TBCE: variants seen among roughly 807,000 people sequenced by gnomAD.
TBCE encodes tubulin-specific chaperone E.
TBCE carries 53 observed loss-of-function variants against 77.0 expected under a neutral mutation model. The ratio of observed to expected loss-of-function variants is 0.69; its 90% CI spans 0.55 to 0.87. The LOEUF is 0.87. TBCE is among the 40% of genes least tolerant of loss of function. The pLI is 0.00. For synonymous variants in TBCE, 235 were observed against 241.3 expected, an observed-to-expected ratio of 0.97 and a Z score of 0.24; for missense variants, 624 against 622.4, an observed-to-expected ratio of 1.00 and a Z score of -0.03.
chr1:235,397,850 C>T (rs778082356), intron 2 of TBCE, among the ~76,000 whole-genome samples: 1 of 152,254 alleles, frequency 6.6e-6, no homozygotes, highest in South Asian at 2.1e-4. Context: ...GTGAGGTATA[C>T]CCTTATACCA....
At chr1:235,406,438 T>G (rs1462972266) in intron 3 of TBCE, among the ~76,000 whole-genome samples, 1 of 152,220 alleles carries the variant, frequency 6.6e-6, no homozygotes, top group Non-Finnish European at 1.5e-5. Context: ...GTGTAACATT[T>G]TATTTGGGAA....
chr1:235,404,978 T>C (rs2102863948), intron 3 of TBCE, among the ~76,000 whole-genome samples: 1 of 150,780 alleles, frequency 6.6e-6, no homozygotes, highest in African/African-American at 2.4e-5. Flanking sequence ...TTTTTTTTTT[T>C]TGGAGACAGA....
Position 235,380,164 on chromosome 1 carries a change from TGTG to T in TBCE, c.100+16_100+18del. On this transcript the variant is annotated intron_variant, in intron 2 of 16. Transcript: ENST00000642610. ...TCCCGTGGCAGGTAAGCAATTATTG[TGTG>T]TGTGTGTGTGTGTGTGTGTGTGTGT... 1.0e-4 allele frequency: 3 copies of T among 28,836 alleles called. No homozygotes were observed. The highest frequency in any genetic ancestry group is 1.4e-4 in the Non-Finnish European group (3 of 21,232). The allele number at this position is 28,836 out of a possible 1,614,324, so 1.8% of individuals were successfully genotyped here. A position where few individuals can be genotyped will look rare whatever the true frequency, so the allele number is the denominator to read the frequency against.
At chr1:235,413,224 G>T (rs1407619077) in intron 3 of TBCE, among the ~76,000 whole-genome samples, 1 of 152,128 alleles carries the variant, frequency 6.6e-6, no homozygotes, top group Non-Finnish European at 1.5e-5. Context: ...GCTGGACATG[G>T]TTGCTTGTAC....
chr1:235,406,854 G>A, intron 3 of TBCE, among the ~76,000 whole-genome samples: 1 of 90,788 alleles, frequency 1.1e-5, no homozygotes, highest in East Asian at 3.7e-4. Flanking sequence ...TTTTTTTTGA[G>A]ACGGAGTTTC....
rs16832610 is a variant in TBCE at position 235,430,457 on chromosome 1, G to A, written c.561-248G>A. The stretch of plus-strand genomic sequence containing the variant: ...TTAGGAAGCCTACAGCCGCATACAG[G>A]TGCCCTAATCCTGTGAAAGCATCTT... On this transcript the variant is annotated intron_variant, in intron 6 of 16. Transcript: ENST00000642610. 5.5e-4 allele frequency: 211 copies of A among 383,022 alleles called. 1 individual carries two copies. The highest frequency in any genetic ancestry group is 8.7e-4 in the Non-Finnish European group (178 of 204,018). 23.7% of individuals were successfully genotyped at this position (383,022 alleles called of 1,614,324 possible).
At chr1:235,401,418 CTGCAAATTGGTATTTGCT>C in intron 2 of TBCE, 67 bp from the exon 3 acceptor site, 1 of 1,169,864 alleles carries the variant, frequency 8.5e-7, no homozygotes, top group Admixed American at 1.7e-5. Flanking sequence ...ATGGTTTCCG[CTGCAAATTGGTATTTGCT>C]TGCAGAAAAC....
chr1:235,401,703 T>TACAACAAATTCCA, intron 3 of TBCE, 116 bp downstream of exon 3: 1 of 878,938 alleles, frequency 1.1e-6, no homozygotes, highest in Non-Finnish European at 1.9e-6. Context: ...TATTATGGAA[T>TACAACAAATTCCA]TTGTTGTATT....
rs760164430 is a variant in TBCE, at chr1:235,435,698, CAATT to C, written c.738-44_738-41del. The C allele has an allele frequency of 2.0e-6, 3 of 1,536,594 alleles. No individual in the cohort carries two copies. The East Asian group carries it at 6.7e-5, about 35-fold the overall frequency. On this transcript the variant is annotated intron_variant, in intron 8 of 16. Coordinates refer to ENST00000642610, the MANE Select transcript of TBCE (RefSeq NM_003193.5). ...GATTTTAAGGCTGTATCTTTGAAAACAATTAAGAGATAAATTCACGGTGAAAAAA... is the reference window on the plus strand; with the variant it reads ...GATTTTAAGGCTGTATCTTTGAAAACAAGAGATAAATTCACGGTGAAAAAA...
intron 13 of TBCE, among the ~76,000 whole-genome samples, chr1:235,440,195 C>G (rs570972403): frequency 2.6e-5 from 4 of 152,154 alleles, no homozygotes; most frequent in Admixed American, 6.5e-5. Flanking sequence ...TGGTCTCGAT[C>G]TCCTGACCTT....
chr1:235,391,770 C>A (rs1678407385), intron 2 of TBCE, among the ~76,000 whole-genome samples: 1 of 151,436 alleles, frequency 6.6e-6, no homozygotes, highest in African/African-American at 2.4e-5. Context: ...CTATGCCCAG[C>A]TAATTTTTAT....
chr1:235,441,441 G>A, intron 13 of TBCE: 1 of 279,232 alleles, frequency 3.6e-6, no homozygotes, highest in South Asian at 3.9e-5. Flanking sequence ...TGACACTCGG[G>A]GAAAACATTT....
Position 235,448,844 on chromosome 1 carries a change from C to A in TBCE, c.*82C>A. ...AAATAAATGATTCACTGGAACAATT[C>A]TACTGTCAAAACAAAGGGGGTTTAC... On this transcript the variant is annotated 3_prime_UTR_variant, in exon 17 of 17. Transcript: ENST00000642610. 1 of 1,060,776 alleles carries A rather than the reference C, an allele frequency of 9.4e-7. No individual in the cohort carries two copies. Among genetic ancestry groups the A allele is most frequent in the Non-Finnish European group, 1.4e-6 (1 of 692,544 alleles). 65.7% of individuals were successfully genotyped at this position (1,060,776 alleles called of 1,614,324 possible).
rs181171342 is a variant in TBCE, at chr1:235,441,680, A to G, written c.1271-134A>G. 6.3e-4 allele frequency: 478 copies of G among 761,168 alleles called. 1 individual carries two copies. The African/African-American group carries it at 7.1e-3, about 11-fold the overall frequency. The allele number at this position is 761,168 out of a possible 1,614,324, so 47.2% of individuals were successfully genotyped here. On this transcript the variant is annotated intron_variant, in intron 13 of 16. Coordinates refer to ENST00000642610, the MANE Select transcript of TBCE (RefSeq NM_003193.5). The stretch of plus-strand genomic sequence containing the variant: ...ATCACTCCTAAAAATCACACTGAAT[A>G]AAGGCAGCTCCATGTGTCCTGGGAA...
chr1:235,370,426 T>C (rs1449615892), intron 1 of TBCE, among the ~76,000 whole-genome samples: 1 of 151,806 alleles, frequency 6.6e-6, no homozygotes, highest in African/African-American at 2.4e-5. Context: ...CTAATTTTTG[T>C]ATTTTTAGTA....
chr1:235,441,799 T>C lies in TBCE; in HGVS notation c.1271-15T>C. 6.2e-7 allele frequency: 1 copy of C among 1,613,396 alleles called. No individual in the cohort carries two copies. Among genetic ancestry groups the C allele is most frequent in the Non-Finnish European group, 8.5e-7 (1 of 1,179,434 alleles). ...CCTTTGGTTTATCATTCATCTCTTT[T>C]GCTTTCTTAAACAGAATATGGTGCA... On this transcript the variant is annotated splice_polypyrimidine_tract_variant and intron_variant, in intron 13 of 16. Coordinates refer to ENST00000642610, the MANE Select transcript of TBCE (RefSeq NM_003193.5).
intron 2 of TBCE, among the ~76,000 whole-genome samples, chr1:235,393,109 A>T (rs1174494524): frequency 6.6e-6 from 1 of 152,116 alleles, no homozygotes. Context: ...TTATCCCACC[A>T]TTTCCTGTGG....
chr1:235,437,201 A>G (rs1681516545), intron 11 of TBCE, 121 bp from the exon 12 acceptor site: 9 of 1,175,404 alleles, frequency 7.7e-6, no homozygotes, highest in Non-Finnish European at 5.0e-6. Context: ...TGCTTAGTGC[A>G]TGATGAAATT....
intron 13 of TBCE, 121 bp downstream of exon 13, chr1:235,439,043 T>C: frequency 7.1e-7 from 1 of 1,412,940 alleles, no homozygotes; most frequent in Non-Finnish European, 9.9e-7. Flanking sequence ...CCTGGGCTTC[T>C]TGTATTCATC....
Sources: allele counts gnomAD v4.1 joint callset (sites outside exome capture counted in the v4.1 genomes callset), GRCh38; gene constraint gnomAD v4.1.1; transcripts MANE v1.5; gene names NCBI Gene and HGNC (gene_info 2026-07-23, HGNC 2026-07-21).